Variants in SLC36A4 observed in about 807,000 individuals in gnomAD.
The protein encoded by SLC36A4 is neutral amino acid uniporter 4.
In SLC36A4, 49 loss-of-function variants were observed where a neutral mutation model predicts 50.5. The observed-to-expected ratio is 0.97, with a 90% CI of 0.77 to 1.23. SLC36A4 has a LOEUF of 1.23. Ranked by LOEUF, SLC36A4 falls within the 50% of genes most tolerant of loss-of-function variation. The probability of loss-of-function intolerance (pLI) is 0.00; values close to 1 mark genes in which losing one functional copy is unlikely to be tolerated. For missense variants in SLC36A4, 611 were observed against 608.4 expected, an observed-to-expected ratio of 1.00 and a Z score of -0.05; for synonymous variants, 207 against 206.5, an observed-to-expected ratio of 1.00 and a Z score of -0.02.
At chr11:93,159,460 C>G (rs752212893) in intron 9 of SLC36A4, among the ~76,000 whole-genome samples, 1 of 152,032 alleles carries the variant, frequency 6.6e-6, no homozygotes, top group African/African-American at 2.4e-5. Context: ...CAGAAGCTAC[C>G]GTTAGAAATA....
intron 6 of SLC36A4, among the ~76,000 whole-genome samples, chr11:93,177,735 C>T (rs147949360): frequency 2.4e-4 from 36 of 152,266 alleles, no homozygotes; most frequent in Admixed American, 9.1e-4. Context: ...CCTCTGGAAG[C>T]TTCGTCTCAG....
chr11:93,145,739 A>G lies in SLC36A4; in HGVS notation c.*2798T>C, dbSNP rs1684277782. The G allele has an allele frequency of 6.6e-6, 1 of 152,112 alleles. No homozygotes were observed. Among genetic ancestry groups the G allele is most frequent in the African/African-American group, 2.4e-5 (1 of 41,436 alleles). The allele number at this position is 152,112 out of a possible 1,614,324, so 9.4% of individuals were successfully genotyped here. On this transcript the variant is annotated 3_prime_UTR_variant, in exon 11 of 11. Coordinates refer to ENST00000326402, the MANE Select transcript of SLC36A4 (RefSeq NM_152313.4). ...ATTTTAGTCACAGTGTGATGATCCA[A>G]AAGTGATGAGATACAAAATTTGACA...
chr11:93,194,612 G>A (rs1241666589), intron 1 of SLC36A4, among the ~76,000 whole-genome samples: 1 of 152,024 alleles, frequency 6.6e-6, no homozygotes, highest in Admixed American at 6.5e-5. Flanking sequence ...CTTGGTCATT[G>A]TAGAAAATCA....
At chr11:93,162,497 T>C (rs1342486050) in intron 9 of SLC36A4, among the ~76,000 whole-genome samples, 1 of 152,020 alleles carries the variant, frequency 6.6e-6, no homozygotes, top group Non-Finnish European at 1.5e-5. Context: ...TTAGTACAGA[T>C]GGGGTTTCAT....
Position 93,182,133 on chromosome 11 carries a change from G to A in SLC36A4, c.360-347C>T, listed in dbSNP as rs541075703. 8.7e-5 allele frequency: 15 copies of A among 172,202 alleles called. No individual in the cohort carries two copies. The South Asian group carries it at 2.5e-3, about 29-fold the overall frequency. 10.7% of individuals were successfully genotyped at this position (172,202 alleles called of 1,614,324 possible). A position where few individuals can be genotyped will look rare whatever the true frequency, so the allele number is the denominator to read the frequency against. ...TCATGTCTAAATTATTCCATTCTTA[G>A]AACAGCATTATTTAATAATACATCT... On this transcript the variant is annotated intron_variant, in intron 4 of 10. Transcript: ENST00000326402.
chr11:93,173,909 A>G (rs1439534808), intron 6 of SLC36A4, among the ~76,000 whole-genome samples: 1 of 140,704 alleles, frequency 7.1e-6, no homozygotes, highest in Non-Finnish European at 1.5e-5. Context: ...CTTTTGGCTT[A>G]GGATTGACTT....
chr11:93,176,684 AT>A (rs1289144390), intron 6 of SLC36A4, among the ~76,000 whole-genome samples: 1 of 151,990 alleles, frequency 6.6e-6, no homozygotes, highest in Admixed American at 6.6e-5. Flanking sequence ...TCTGTAAAGT[AT>A]TTTATTTCTC....
intron 10 of SLC36A4, among the ~76,000 whole-genome samples, chr11:93,149,555 T>C (rs1257702186): frequency 5.9e-5 from 9 of 152,084 alleles, no homozygotes; most frequent in Non-Finnish European, 1.0e-4. Flanking sequence ...GCATCACTTC[T>C]GTGGGATTCT....
chr11:93,197,449 GA>G, intron 1 of SLC36A4: 3 of 442,602 alleles, frequency 6.8e-6, no homozygotes, highest in East Asian at 4.1e-5. Context: ...GCATCATTGG[GA>G]AAAAAACCGT....
intron 1 of SLC36A4, among the ~76,000 whole-genome samples, chr11:93,195,557 T>G (rs1001074612): frequency 1.3e-5 from 2 of 152,240 alleles, no homozygotes; most frequent in African/African-American, 4.8e-5. Context: ...ATTCGTCACA[T>G]GGCAGTCAAT....
chr11:93,180,919 C>T, intron 5 of SLC36A4, 38 bp from the exon 6 acceptor site: 1 of 1,292,844 alleles, frequency 7.7e-7, no homozygotes, highest in Non-Finnish European at 1.1e-6. Flanking sequence ...TCCAGGAGAG[C>T]TACTGAAATG....
intron 6 of SLC36A4, among the ~76,000 whole-genome samples, chr11:93,180,529 A>T (rs1861690083): frequency 6.6e-6 from 1 of 152,086 alleles, no homozygotes; most frequent in Non-Finnish European, 1.5e-5. Flanking sequence ...TTGAGATCTA[A>T]GTTTCAAGTA....
intron 9 of SLC36A4, chr11:93,160,329 G>C (rs1431867836): frequency 2.0e-6 from 2 of 985,240 alleles, no homozygotes; most frequent in Admixed American, 1.2e-4. Flanking sequence ...GTTTTTTCCA[G>C]ATTTTTGTTG....
At chr11:93,195,456 C>G (rs1404408528) in intron 1 of SLC36A4, among the ~76,000 whole-genome samples, 4 of 152,176 alleles carry the variant, frequency 2.6e-5, no homozygotes, top group African/African-American at 9.7e-5. Context: ...TTCACCTCCA[C>G]TGCCACTACC....
intron 10 of SLC36A4, among the ~76,000 whole-genome samples, chr11:93,150,549 G>A (rs753085216): frequency 8.6e-5 from 13 of 151,868 alleles, no homozygotes; most frequent in Non-Finnish European, 1.6e-4. Context: ...AATTATAAAC[G>A]TAGCTTTACA....
chr11:93,181,864 C>G, intron 4 of SLC36A4, 78 bp from the exon 5 acceptor site: 2 of 1,236,014 alleles, frequency 1.6e-6, no homozygotes, highest in East Asian at 2.7e-5. Flanking sequence ...TTGAAATAAA[C>G]ATAAAATAAA....
At chr11:93,153,233 G>T (rs1860183549) in intron 10 of SLC36A4, among the ~76,000 whole-genome samples, 1 of 152,034 alleles carries the variant, frequency 6.6e-6, no homozygotes, top group South Asian at 2.1e-4. Flanking sequence ...AAAGCTGCTT[G>T]TTCCCCAGAA....
intron 7 of SLC36A4, chr11:93,166,771 G>C (rs1860886576): frequency 6.6e-6 from 1 of 152,180 alleles, no homozygotes; most frequent in Non-Finnish European, 1.5e-5. Flanking sequence ...TAAAAAGAAT[G>C]AACAAAGCAA....
chr11:93,177,955 T>C (rs761600493), intron 6 of SLC36A4, among the ~76,000 whole-genome samples: 3 of 152,330 alleles, frequency 2.0e-5, no homozygotes, highest in South Asian at 4.1e-4. Context: ...TGTTTAGCTA[T>C]GCCCTGCCCC....
Sources: allele counts gnomAD v4.1 joint callset (sites outside exome capture counted in the v4.1 genomes callset), GRCh38; gene constraint gnomAD v4.1.1; transcripts MANE v1.5; gene names NCBI Gene and HGNC (gene_info 2026-07-23, HGNC 2026-07-21).